Variants in SCD5 observed in about 807,000 individuals in gnomAD.
SCD5 encodes the protein acyl-CoA-desaturase 4.
A neutral mutation model predicts 30.4 loss-of-function variants in SCD5; 20 were observed. The ratio of observed to expected loss-of-function variants is 0.66; its 90% confidence interval spans 0.46 to 0.96. SCD5 has a LOEUF of 0.96. SCD5 is among the 40% of genes least tolerant of loss of function. The probability of loss-of-function intolerance (pLI) is 0.00; values close to 1 mark genes in which losing one functional copy is unlikely to be tolerated. For missense variants in SCD5, 381 were observed against 443.3 expected, an observed-to-expected ratio of 0.86 and a Z score of 1.26; for synonymous variants, 173 against 176.4, an observed-to-expected ratio of 0.98 and a Z score of 0.16.
chr4:82,752,314 A>C (rs1366952890), intron 1 of SCD5, among the ~76,000 whole-genome samples: 1 of 151,126 alleles, frequency 6.6e-6, no homozygotes, highest in Non-Finnish European at 1.5e-5. Flanking sequence ...CAAGATCTTG[A>C]CACTCCAAAA....
intron 3 of SCD5, among the ~76,000 whole-genome samples, chr4:82,654,913 G>A (rs1216134138): frequency 6.6e-6 from 1 of 152,222 alleles, no homozygotes; most frequent in African/African-American, 2.4e-5. Context: ...CCTACACATA[G>A]AGAATTTTTA....
intron 1 of SCD5, among the ~76,000 whole-genome samples, chr4:82,733,038 A>G (rs1032072872): frequency 6.6e-6 from 1 of 152,162 alleles, no homozygotes; most frequent in Non-Finnish European, 1.5e-5. Context: ...TGTCCTAGGG[A>G]CTTTATTAAC....
intron 1 of SCD5, among the ~76,000 whole-genome samples, chr4:82,744,536 A>G (rs1196866168): frequency 6.6e-6 from 1 of 152,182 alleles, no homozygotes; most frequent in Non-Finnish European, 1.5e-5. Flanking sequence ...ACTTGTCTGG[A>G]ATGCCCAACT....
intron 2 of SCD5, among the ~76,000 whole-genome samples, chr4:82,697,143 A>G (rs752553724): frequency 5.9e-5 from 9 of 152,234 alleles, no homozygotes; most frequent in Non-Finnish European, 1.3e-4. Flanking sequence ...ATGAAACACA[A>G]AGCTTGAAAA....
At chr4:82,732,592 G>A (rs1720666733) in intron 1 of SCD5, among the ~76,000 whole-genome samples, 1 of 152,220 alleles carries the variant, frequency 6.6e-6, no homozygotes, top group Admixed American at 6.5e-5. Context: ...ACCACCTTGT[G>A]CCTTGAGTTG....
intron 3 of SCD5, among the ~76,000 whole-genome samples, chr4:82,665,231 C>CA (rs35422547): frequency 0.051 from 3,689 of 71,880 alleles, 130 homozygotes; most frequent in Middle Eastern, 0.12. Flanking sequence ...GACCCTGTCT[C>CA]AAAAAAAAAA....
intron 3 of SCD5, among the ~76,000 whole-genome samples, chr4:82,663,337 C>T (rs868783154): frequency 6.6e-6 from 1 of 152,274 alleles, no homozygotes; most frequent in Admixed American, 6.5e-5. Context: ...AAGCCTCGGA[C>T]ACAAAAGAGT....
chr4:82,697,083 A>T (rs1312015473), intron 2 of SCD5, among the ~76,000 whole-genome samples: 3 of 152,212 alleles, frequency 2.0e-5, no homozygotes, highest in African/African-American at 7.2e-5. Context: ...ATGATTAAGG[A>T]GGTTCACTGT....
chr4:82,777,802 T>G (rs1721775478), intron 1 of SCD5, among the ~76,000 whole-genome samples: 1 of 152,042 alleles, frequency 6.6e-6, no homozygotes, highest in Non-Finnish European at 1.5e-5. Flanking sequence ...CGGCCAGTGT[T>G]TAAAACCAAA....
chr4:82,701,824 T>A (rs937677402), intron 2 of SCD5, among the ~76,000 whole-genome samples: 8 of 152,172 alleles, frequency 5.3e-5, no homozygotes, highest in Admixed American at 5.2e-4. Context: ...ACTGGGTCTG[T>A]GAGAGACCCA....
chr4:82,734,727 A>T (rs1246031386), intron 1 of SCD5, among the ~76,000 whole-genome samples: 39 of 149,586 alleles, frequency 2.6e-4, no homozygotes, highest in African/African-American at 6.6e-4. Flanking sequence ...CTTTTTTTTT[A>T]AAACAAGCCT....
At chr4:82,796,279 A>AT (rs573729611) in intron 1 of SCD5, among the ~76,000 whole-genome samples, 300 of 152,018 alleles carry the variant, frequency 2.0e-3, no homozygotes, top group African/African-American at 6.6e-3. Flanking sequence ...CAAAAAAAAA[A>AT]AAAAGACTTA....
At chr4:82,724,629 C>A (rs1244773427) in intron 1 of SCD5, among the ~76,000 whole-genome samples, 1 of 152,094 alleles carries the variant, frequency 6.6e-6, no homozygotes, top group Admixed American at 6.5e-5. Context: ...ACATGGTGGC[C>A]GTGATTAGCT....
intron 1 of SCD5, among the ~76,000 whole-genome samples, chr4:82,730,629 A>C (rs1339663352): frequency 1.7e-5 from 2 of 117,792 alleles, no homozygotes; most frequent in Admixed American, 1.1e-4. Flanking sequence ...TCTGTTGCCC[A>C]GGCTGGAGTG....
chr4:82,681,252 A>C (rs1728566705), intron 2 of SCD5, among the ~76,000 whole-genome samples: 1 of 152,096 alleles, frequency 6.6e-6, no homozygotes, highest in Non-Finnish European at 1.5e-5. Flanking sequence ...TGTCAAGAAA[A>C]AAGAGATCTT....
At chr4:82,699,445 C>A (rs939588432) in intron 2 of SCD5, among the ~76,000 whole-genome samples, 3 of 152,038 alleles carry the variant, frequency 2.0e-5, no homozygotes, top group Non-Finnish European at 4.4e-5. Flanking sequence ...AGTGCAGTGG[C>A]ACAATCTCAA....
At chr4:82,708,994 C>A (rs537537397) in intron 1 of SCD5, among the ~76,000 whole-genome samples, 69 of 152,244 alleles carry the variant, frequency 4.5e-4, no homozygotes, top group African/African-American at 1.6e-3. Context: ...ATACTCACCA[C>A]AAGTGTAGGG....
At chr4:82,751,251 A>G (rs1303895639) in intron 1 of SCD5, among the ~76,000 whole-genome samples, 1 of 152,160 alleles carries the variant, frequency 6.6e-6, no homozygotes, top group South Asian at 2.1e-4. Flanking sequence ...GCTGGAGTGC[A>G]GTGGCGTGAT....
At chr4:82,653,709 T>TAGATAG (rs1727807838) in intron 3 of SCD5, among the ~76,000 whole-genome samples, 2 of 136,130 alleles carry the variant, frequency 1.5e-5, no homozygotes, top group African/African-American at 2.6e-5. Flanking sequence ...TAGATAGATA[T>TAGATAG]AGATAGATAG....
Sources: gnomAD v4.1 joint callset for allele counts (sites outside exome capture counted in the v4.1 genomes callset) on GRCh38, gnomAD v4.1.1 for gene constraint, MANE v1.5 for transcripts, NCBI Gene and HGNC (gene_info 2026-07-23, HGNC 2026-07-21) for gene names.